Variants in SGCZ observed in about 807,000 individuals in gnomAD.
SGCZ encodes zeta-sarcoglycan.
In SGCZ, 40 loss-of-function variants were observed where a neutral mutation model predicts 41.3. That is an observed-to-expected ratio of 0.97 (90% confidence interval 0.75 to 1.26). The LOEUF (loss-of-function observed/expected upper bound fraction) is 1.26, where lower values mean the gene tolerates loss of function less well. Ranked by LOEUF, SGCZ falls within the 50% of genes most tolerant of loss-of-function variation. The pLI, the probability that SGCZ is intolerant of heterozygous loss-of-function variation, is 0.00. For synonymous variants in SGCZ, 206 were observed against 137.5 expected (o/e 1.50, Z -3.49); for missense variants, 552 against 369.8 (o/e 1.49, Z -4.04).
chr8:14,169,789 A>G (rs1455751704), intron 4 of SGCZ, among the ~76,000 whole-genome samples: 1 of 152,206 alleles, frequency 6.6e-6, no homozygotes, highest in African/African-American at 2.4e-5. Flanking sequence ...TTGTAAGACT[A>G]TAGGTACCGA....
intron 1 of SGCZ, among the ~76,000 whole-genome samples, chr8:14,674,480 T>C (rs192868708): frequency 3.1e-4 from 47 of 152,314 alleles, no homozygotes; most frequent in Middle Eastern, 3.4e-3. Flanking sequence ...CCTGATAGTA[T>C]AGCTATAAAT....
intron 1 of SGCZ, among the ~76,000 whole-genome samples, chr8:15,139,784 C>T (rs920596387): frequency 6.6e-6 from 1 of 152,130 alleles, no homozygotes; most frequent in African/African-American, 2.4e-5. Flanking sequence ...TCACTCTCTC[C>T]CCTGCAATTA....
rs373337674 is a variant in SGCZ at position 14,838,909 on chromosome 8, T to G, written c.40-283983A>C. 2.6e-4 allele frequency among the ~76,000 whole-genome samples: 40 copies of G among 152,210 alleles called. No homozygotes were observed. In the South Asian group the frequency reaches 8.3e-3, roughly 32 times the overall value. Reference sequence around the variant, plus strand: ...ACAGGGTAACCAAAGTGGTTAGAAGTAGGAGACTCAGAAAGGTGACCAGGA... The same window carrying G: ...ACAGGGTAACCAAAGTGGTTAGAAGGAGGAGACTCAGAAAGGTGACCAGGA... On this transcript the variant is annotated intron_variant, in intron 1 of 7. Transcript: ENST00000382080.
intron 1 of SGCZ, among the ~76,000 whole-genome samples, chr8:15,012,319 A>T (rs960018864): frequency 1.3e-5 from 2 of 151,388 alleles, no homozygotes; most frequent in Non-Finnish European, 2.9e-5. Flanking sequence ...AAAAATTAGC[A>T]TGATGTGGTG....
rs189250565 is a variant in SGCZ, at chr8:14,255,894, T to C, written c.337-18215A>G. On this transcript the variant is annotated intron_variant, in intron 3 of 7. Coordinates refer to ENST00000382080, the MANE Select transcript of SGCZ (RefSeq NM_139167.4). The stretch of plus-strand genomic sequence containing the variant: ...GATTTATCTTCATTATATTTGACAA[T>C]AGCCCAATTAGATACAACCTTCAAT... Among the ~76,000 whole-genome samples, 18 of 152,224 alleles carry C rather than the reference T, an allele frequency of 1.2e-4. No individual in the cohort carries two copies. The East Asian group carries it at 2.7e-3, about 23-fold the overall frequency.
At chr8:14,451,343 A>T (rs908231087) in intron 2 of SGCZ, among the ~76,000 whole-genome samples, 3 of 152,184 alleles carry the variant, frequency 2.0e-5, no homozygotes, top group Non-Finnish European at 2.9e-5. Flanking sequence ...GTCTGTCATC[A>T]ATCTATTGTT....
At chr8:14,550,023 C>A (rs1803752328) in intron 2 of SGCZ, among the ~76,000 whole-genome samples, 2 of 151,964 alleles carry the variant, frequency 1.3e-5, no homozygotes, top group South Asian at 4.1e-4. Context: ...GATTCCTAGA[C>A]TTCCTTCTAG....
intron 1 of SGCZ, among the ~76,000 whole-genome samples, chr8:14,904,953 T>C (rs913178746): frequency 3.0e-4 from 45 of 152,124 alleles, no homozygotes; most frequent in African/African-American, 1.0e-3. Flanking sequence ...TGTATTCATA[T>C]AATGTATCTT....
chr8:14,527,690 C>A (rs1164509854), intron 2 of SGCZ, among the ~76,000 whole-genome samples: 2 of 152,000 alleles, frequency 1.3e-5, no homozygotes, highest in Non-Finnish European at 2.9e-5. Context: ...AAATTCAGTT[C>A]CTCCATCATG....
Position 14,279,827 on chromosome 8 carries a change from C to T in SGCZ, c.337-42148G>A, listed in dbSNP as rs1314008375. Among the ~76,000 whole-genome samples the T allele has an allele frequency of 4.7e-5, 7 of 148,746 alleles. No individual in the cohort carries two copies. In the Admixed American group the frequency reaches 4.8e-4, roughly 10 times the overall value. On this transcript the variant is annotated intron_variant, in intron 3 of 7. Coordinates refer to ENST00000382080, the MANE Select transcript of SGCZ (RefSeq NM_139167.4). The stretch of plus-strand genomic sequence containing the variant: ...CTTATTTATAATCTGGATCCTCATG[C>T]TTCATGCTCCATTTTTTTTTTCTAA...
At chr8:14,443,817 T>G (rs1585521346) in intron 2 of SGCZ, among the ~76,000 whole-genome samples, 1 of 152,188 alleles carries the variant, frequency 6.6e-6, no homozygotes, top group Admixed American at 6.5e-5. Context: ...AAATGGGATC[T>G]AATTAAACTA....
chr8:14,881,576 G>C (rs1804591278), intron 1 of SGCZ, among the ~76,000 whole-genome samples: 1 of 152,102 alleles, frequency 6.6e-6, no homozygotes, highest in African/African-American at 2.4e-5. Flanking sequence ...GCCCTTTAGA[G>C]TTGCCTTGCA....
At chr8:14,607,110 A>G (rs1044294634) in intron 1 of SGCZ, among the ~76,000 whole-genome samples, 1 of 152,150 alleles carries the variant, frequency 6.6e-6, no homozygotes, top group Admixed American at 6.5e-5. Context: ...CAGTTTTTTC[A>G]TCTGTAAAAT....
chr8:15,060,299 G>C (rs531495226), intron 1 of SGCZ, among the ~76,000 whole-genome samples: 1 of 152,120 alleles, frequency 6.6e-6, no homozygotes, highest in East Asian at 1.9e-4. Context: ...ACTGGATTAA[G>C]AAAATGTGGC....
chr8:14,217,036 C>G (rs997300605), intron 4 of SGCZ, among the ~76,000 whole-genome samples: 12 of 152,032 alleles, frequency 7.9e-5, no homozygotes, highest in Non-Finnish European at 1.6e-4. Flanking sequence ...GCCTGTAATC[C>G]CAGCACTTTG....
At chr8:14,325,817 G>C (rs1802084493) in intron 2 of SGCZ, among the ~76,000 whole-genome samples, 2 of 141,754 alleles carry the variant, frequency 1.4e-5, no homozygotes, top group South Asian at 4.4e-4. Flanking sequence ...CACAGAAAGG[G>C]ATGAGGACGT....
Position 14,886,030 on chromosome 8 carries a change from T to TATATACATAC in SGCZ, c.40-331105_40-331104insGTATGTATAT, listed in dbSNP as rs1554517469. ...ATATATATATATATATATATATATA[T>TATATACATAC]ATATAAAATTGTATACTTAGCTTTT... On this transcript the variant is annotated intron_variant, in intron 1 of 7. Coordinates refer to ENST00000382080, the MANE Select transcript of SGCZ (RefSeq NM_139167.4). Among the ~76,000 whole-genome samples, 15 of 98,940 alleles carry TATATACATAC rather than the reference T, an allele frequency of 1.5e-4. No individual in the cohort carries two copies. In the South Asian group the frequency reaches 1.6e-3, roughly 10 times the overall value. 64.9% of individuals were successfully genotyped at this position (98,940 alleles called of 152,430 possible). A position where few individuals can be genotyped will look rare whatever the true frequency, so the allele number is the denominator to read the frequency against.
intron 1 of SGCZ, among the ~76,000 whole-genome samples, chr8:14,944,144 T>G (rs553104259): frequency 2.0e-5 from 3 of 152,138 alleles, no homozygotes; most frequent in Middle Eastern, 3.2e-3. Flanking sequence ...TCGAATCATA[T>G]AGGCAGGGTG....
intron 3 of SGCZ, among the ~76,000 whole-genome samples, chr8:14,321,089 G>A (rs1400832294): frequency 1.3e-5 from 2 of 152,008 alleles, no homozygotes; most frequent in South Asian, 2.1e-4. Flanking sequence ...GATGCAGAAT[G>A]TTATCATCAT....
Sources: gnomAD v4.1 joint callset for allele counts (sites outside exome capture counted in the v4.1 genomes callset) on GRCh38, gnomAD v4.1.1 for gene constraint, MANE v1.5 for transcripts, NCBI Gene and HGNC (gene_info 2026-07-23, HGNC 2026-07-21) for gene names.